Variants in RNF144A observed in about 807,000 individuals in gnomAD.
The protein encoded by RNF144A is ring finger protein 144A, also known as E3 ubiquitin-protein ligase RNF144A.
A neutral mutation model predicts 38.7 loss-of-function variants in RNF144A; 11 were observed. The ratio of observed to expected loss-of-function variants is 0.28; its 90% CI spans 0.18 to 0.47. The LOEUF (loss-of-function observed/expected upper bound fraction) is 0.47, where lower values mean the gene tolerates loss of function less well. Ranked by LOEUF, RNF144A falls within the 20% of genes least tolerant of loss-of-function variation. The pLI, the probability that RNF144A is intolerant of heterozygous loss-of-function variation, is 0.99. For missense variants in RNF144A, 316 were observed against 377.2 expected (o/e 0.84, Z 1.34); for synonymous variants, 149 against 143.9 (o/e 1.04, Z -0.25).
At chr2:7,008,389 T>G (rs1486407541) in intron 3 of RNF144A, among the ~76,000 whole-genome samples, 1 of 152,210 alleles carries the variant, frequency 6.6e-6, no homozygotes, top group Non-Finnish European at 1.5e-5. Context: ...TCACAAACAC[T>G]TCCCTGAAGC....
At chr2:7,071,159 C>A (rs1164281239), downstream of RNF144A, among the ~76,000 whole-genome samples, 1 of 152,172 alleles carries the variant, frequency 6.6e-6, no homozygotes, top group African/African-American at 2.4e-5. Flanking sequence ...TGGCCTCGAA[C>A]TCCTGACCTC....
chr2:7,046,800 T>G (rs1275361076), downstream of RNF144A, among the ~76,000 whole-genome samples: 1 of 152,208 alleles, frequency 6.6e-6, no homozygotes, highest in African/African-American at 2.4e-5. Flanking sequence ...TATTGGAAAA[T>G]CTGAATTTGC....
intron 1 of RNF144A, among the ~76,000 whole-genome samples, chr2:6,931,475 A>G (rs1318271352): frequency 6.6e-6 from 1 of 152,276 alleles, no homozygotes; most frequent in Non-Finnish European, 1.5e-5. Context: ...GCCTGCTGAC[A>G]GCATTCAGAG....
chr2:7,044,233 GGA>G (rs1019607320), downstream of RNF144A: 105 of 943,644 alleles, frequency 1.1e-4, no homozygotes, highest in Non-Finnish European at 1.3e-4. Context: ...GCCTGAAGAT[GGA>G]AAATATTCTA....
chr2:6,960,158 G>GT (rs1667248614), intron 2 of RNF144A, among the ~76,000 whole-genome samples: 1 of 152,238 alleles, frequency 6.6e-6, no homozygotes, highest in Non-Finnish European at 1.5e-5. Flanking sequence ...TGGAGGAAAA[G>GT]TAAACTGTGT....
chr2:6,989,754 C>G (rs1473217123), intron 2 of RNF144A, among the ~76,000 whole-genome samples: 1 of 152,162 alleles, frequency 6.6e-6, no homozygotes, highest in Non-Finnish European at 1.5e-5. Flanking sequence ...CAAGCCTCCT[C>G]TGCTCTCCCA....
At chr2:6,953,770 G>T (rs961322091) in intron 2 of RNF144A, among the ~76,000 whole-genome samples, 1 of 152,116 alleles carries the variant, frequency 6.6e-6, no homozygotes, top group Admixed American at 6.5e-5. Context: ...AAGATTGTTT[G>T]CAGTACCTTT....
intron 1 of RNF144A, among the ~76,000 whole-genome samples, chr2:6,931,368 A>G (rs1665201220): frequency 6.6e-6 from 1 of 152,272 alleles, no homozygotes. Flanking sequence ...TGAAACTTCA[A>G]AGGAAAACCT....
intron 2 of RNF144A, among the ~76,000 whole-genome samples, chr2:6,961,391 C>CT (rs1456919369): frequency 4.3e-5 from 6 of 140,534 alleles, no homozygotes; most frequent in African/African-American, 1.5e-4. Context: ...TATAAAGGTA[C>CT]ATTTTTTTTT....
rs2103464750 is a variant in RNF144A, at chr2:7,041,747, T to C, written c.*1987T>C. The C allele has an allele frequency of 1.0e-6, 1 of 985,584 alleles. No individual in the cohort carries two copies. Among genetic ancestry groups the C allele is most frequent in the Non-Finnish European group, 1.2e-6 (1 of 830,060 alleles). 61.1% of individuals were successfully genotyped at this position (985,584 alleles called of 1,614,324 possible). A position where few individuals can be genotyped will look rare whatever the true frequency, so the allele number is the denominator to read the frequency against. ...TGGCCCACAGGACACGCCTCCACCA[T>C]ATGCTCATCCTTCCTGCCTGAAATT... is the stretch of plus-strand genomic sequence containing the variant. On this transcript the variant is annotated 3_prime_UTR_variant, in exon 9 of 9. Transcript: ENST00000320892.
intron 3 of RNF144A, among the ~76,000 whole-genome samples, chr2:7,008,922 G>A (rs1670620946): frequency 6.6e-6 from 1 of 152,230 alleles, no homozygotes; most frequent in Non-Finnish European, 1.5e-5. Context: ...TAAGTGACAG[G>A]CTTGCTACTG....
intron 2 of RNF144A, among the ~76,000 whole-genome samples, chr2:6,986,751 A>G (rs1274511034): frequency 6.6e-6 from 1 of 152,164 alleles, no homozygotes; most frequent in Non-Finnish European, 1.5e-5. Context: ...TGTTGCAATA[A>G]AACATTAAGG....
chr2:7,003,559 A>G (rs528694305), intron 3 of RNF144A, among the ~76,000 whole-genome samples: 2 of 152,378 alleles, frequency 1.3e-5, no homozygotes, highest in African/African-American at 4.8e-5. Context: ...GCCCAGAGCA[A>G]TAGGCTGTGC....
At chr2:7,027,681 T>G (rs1012692779) in intron 7 of RNF144A, among the ~76,000 whole-genome samples, 2 of 152,198 alleles carry the variant, frequency 1.3e-5, no homozygotes, top group Non-Finnish European at 2.9e-5. Flanking sequence ...GCTTGCACCA[T>G]TGTTTCATCC....
chr2:6,950,894 T>G (rs1666635796), intron 2 of RNF144A, among the ~76,000 whole-genome samples: 1 of 152,236 alleles, frequency 6.6e-6, no homozygotes, highest in Non-Finnish European at 1.5e-5. Flanking sequence ...GAACTCATTT[T>G]CCTGTATTCT....
At chr2:7,071,170 ATG>A (rs1674468765), downstream of RNF144A, among the ~76,000 whole-genome samples, 2 of 152,130 alleles carry the variant, frequency 1.3e-5, no homozygotes, top group Non-Finnish European at 2.9e-5. Context: ...TCCTGACCTC[ATG>A]TGCTCCACCC....
chr2:7,042,879 CTTTT>C lies in RNF144A; in HGVS notation c.*3121_*3124del, dbSNP rs1673131394. 4.5e-5 allele frequency: 44 copies of C among 981,746 alleles called. No homozygotes were observed. Among genetic ancestry groups the C allele is most frequent in the Non-Finnish European group, 5.0e-5 (41 of 827,190 alleles). 60.8% of individuals were successfully genotyped at this position (981,746 alleles called of 1,614,324 possible). Reference sequence around the variant, plus strand: ...TCTGGCATTTTCTTTCTTTTTTTTTCTTTTTGAGACGGAGTTTCGCTTTTGTCCC... The same window carrying C: ...TCTGGCATTTTCTTTCTTTTTTTTTCTGAGACGGAGTTTCGCTTTTGTCCC... On this transcript the variant is annotated 3_prime_UTR_variant, in exon 9 of 9. Coordinates refer to ENST00000320892, the MANE Select transcript of RNF144A (RefSeq NM_014746.6).
intron 1 of RNF144A, among the ~76,000 whole-genome samples, chr2:6,926,665 A>C (rs947938044): frequency 6.6e-6 from 1 of 152,240 alleles, no homozygotes; most frequent in South Asian, 2.1e-4. Flanking sequence ...CACTCGGCAC[A>C]CAGGCTTCTC....
At chr2:7,003,835 G>C (rs534551975) in intron 3 of RNF144A, among the ~76,000 whole-genome samples, 1 of 152,334 alleles carries the variant, frequency 6.6e-6, no homozygotes, top group East Asian at 1.9e-4. Context: ...GATCTAAAGG[G>C]GGCATGCATT....
Sources: allele counts gnomAD v4.1 joint callset (sites outside exome capture counted in the v4.1 genomes callset), GRCh38; gene constraint gnomAD v4.1.1; transcripts MANE v1.5; gene names NCBI Gene and HGNC (gene_info 2026-07-23, HGNC 2026-07-21).